Variants in STON1 observed in about 807,000 individuals in gnomAD.
The protein encoded by STON1 is stonin-1.
In STON1, 79 loss-of-function variants were observed where a neutral mutation model predicts 60.9. That is an observed-to-expected ratio of 1.30 (90% CI 1.08 to 1.56). The LOEUF is 1.56. STON1 is among the 40% of genes most tolerant of loss of function. The pLI is 0.00. For synonymous variants in STON1, 363 were observed against 306.9 expected, an observed-to-expected ratio of 1.18 and a Z score of -1.91; for missense variants, 1,166 against 858.9, an observed-to-expected ratio of 1.36 and a Z score of -4.47.
At chr2:48,593,950 C>T (rs944802019) in intron 3 of STON1, among the ~76,000 whole-genome samples, 1 of 152,176 alleles carries the variant, frequency 6.6e-6, no homozygotes, top group Non-Finnish European at 1.5e-5. Flanking sequence ...AGCTGCCTTT[C>T]CTGAGGTCAT....
chr2:48,581,096 G>A lies in STON1; in HGVS notation c.463G>A (p.Val155Ile). 2 of 1,601,710 alleles carry A rather than the reference G, an allele frequency of 1.2e-6. No homozygotes were observed. The highest frequency in any genetic ancestry group is 1.1e-5 in the South Asian group (1 of 88,194). Reference sequence around the variant, plus strand: ...TCCCAAAGTAGGTCTTCCAGATGAAGTTAATCCTCAACAGGCTGAAAGCCT... The same window carrying A: ...TCCCAAAGTAGGTCTTCCAGATGAAATTAATCCTCAACAGGCTGAAAGCCT... The part of the protein sequence containing the change: ...PTPKVGLPDE[V>I]NPQQAESLGF... The change falls in exon 2 of 4, where the codon GTT (valine) becomes ATT (isoleucine). Residue 155 changes from valine (V) to isoleucine (I), a missense_variant. Transcript: ENST00000404752.
intron 1 of STON1, chr2:48,530,606 C>T (rs1203734644): frequency 6.5e-6 from 1 of 153,432 alleles, no homozygotes; most frequent in Non-Finnish European, 1.4e-5. Flanking sequence ...CTGCGCCCCT[C>T]ACGCCTCCCT....
Position 48,581,957 on chromosome 2 carries a change from A to G in STON1, c.1324A>G (p.Ile442Val), listed in dbSNP as rs749198642. The change falls in exon 2 of 4, where the codon ATT becomes GTT. Residue 442 changes from isoleucine to valine, a missense_variant. Ile to Val is a conservative substitution (Grantham distance 29). Coordinates refer to ENST00000404752, the MANE Select transcript of STON1 (RefSeq NM_006873.4). The stretch of plus-strand genomic sequence containing the variant: ...TGTTGAAAGTGCTGTGATAACTCAA[A>G]TTTATTGCCTCTGCTTTGTGAATGG... ...KFVESAVITQIYCLCFVNGNL... is the reference protein window; with the variant it reads ...KFVESAVITQVYCLCFVNGNL... The G allele has an allele frequency of 9.3e-6, 15 of 1,614,072 alleles. No homozygotes were observed. The Admixed American group carries it at 2.5e-4, about 27-fold the overall frequency.
At chr2:48,533,219 TA>T (rs1390422064) in intron 1 of STON1, among the ~76,000 whole-genome samples, 2 of 151,878 alleles carry the variant, frequency 1.3e-5, no homozygotes, top group Non-Finnish European at 2.9e-5. Flanking sequence ...CCGTCTCTAC[TA>T]AAAACACAAA....
intron 1 of STON1, among the ~76,000 whole-genome samples, chr2:48,548,379 G>C (rs2103779020): frequency 6.6e-6 from 1 of 152,234 alleles, no homozygotes; most frequent in East Asian, 1.9e-4. Flanking sequence ...CAGTGACTCT[G>C]AGGCTCTGTA....
intron 2 of STON1, among the ~76,000 whole-genome samples, chr2:48,584,078 C>T (rs1235686406): frequency 6.6e-6 from 1 of 151,998 alleles, no homozygotes; most frequent in Non-Finnish European, 1.5e-5. Flanking sequence ...TGAGTACTTA[C>T]TGTATACCAA....
chr2:48,582,102 G>T lies in STON1; in HGVS notation c.1469G>T (p.Cys490Phe). Reference protein sequence around the residue: ...IDILDYHFHKCVNVQEFEQSR... With the variant: ...IDILDYHFHKFVNVQEFEQSR... ...ATTCTTGACTACCATTTTCATAAGTGTGTGAATGTACAAGAATTTGAGCAA... is the reference window on the plus strand; with the variant it reads ...ATTCTTGACTACCATTTTCATAAGTTTGTGAATGTACAAGAATTTGAGCAA... Residue 490 changes from cysteine to phenylalanine, a missense_variant, in exon 2 of 4, where the codon TGT becomes TTT. Physicochemically the swap from Cys to Phe is radical, Grantham distance 205. Transcript: ENST00000404752. The T allele has an allele frequency of 6.2e-7, 1 of 1,614,016 alleles. No homozygotes were observed. Among genetic ancestry groups the T allele is most frequent in the South Asian group, 1.1e-5 (1 of 91,076 alleles).
chr2:48,570,010 G>T (rs1673119624), intron 1 of STON1, among the ~76,000 whole-genome samples: 2 of 152,194 alleles, frequency 1.3e-5, no homozygotes, highest in Non-Finnish European at 2.9e-5. Flanking sequence ...ACGATTTAGA[G>T]TCAATTCATG....
At chr2:48,564,480 T>TTCTTCCTTCTTCTTCTTCTTCTTC (rs1558604783) in intron 1 of STON1, among the ~76,000 whole-genome samples, 1 of 32,480 alleles carries the variant, frequency 3.1e-5, no homozygotes, top group African/African-American at 1.2e-4. Flanking sequence ...CTTCTTCTTC[T>TTCTTCCTTCTTCTTCTTCTTCTTC]TTCTTCTTCT....
intron 1 of STON1, among the ~76,000 whole-genome samples, chr2:48,576,621 T>C (rs1052559166): frequency 6.6e-6 from 1 of 152,122 alleles, no homozygotes; most frequent in African/African-American, 2.4e-5. Flanking sequence ...TCTTTTCATA[T>C]ATTTTCTGGC....
intron 1 of STON1, among the ~76,000 whole-genome samples, chr2:48,564,876 G>T (rs561661623): frequency 6.7e-6 from 1 of 148,476 alleles, no homozygotes; most frequent in South Asian, 2.1e-4. Context: ...GGAATTACAG[G>T]CGTGCACCAC....
intron 1 of STON1, among the ~76,000 whole-genome samples, chr2:48,572,705 T>G (rs1024015042): frequency 6.6e-6 from 1 of 152,210 alleles, no homozygotes; most frequent in Non-Finnish European, 1.5e-5. Flanking sequence ...CTCTTTTTCT[T>G]TTCTTTTTAA....
chr2:48,549,156 C>G (rs1671987612), intron 1 of STON1, among the ~76,000 whole-genome samples: 2 of 152,180 alleles, frequency 1.3e-5, no homozygotes, highest in Non-Finnish European at 1.5e-5. Context: ...ATCCGGGAAA[C>G]AATCCCAGGC....
chr2:48,558,056 C>T (rs952835477), intron 1 of STON1, among the ~76,000 whole-genome samples: 1 of 152,146 alleles, frequency 6.6e-6, no homozygotes, highest in African/African-American at 2.4e-5. Context: ...AACCCCATCT[C>T]TACCAAAAAT....
chr2:48,565,045 C>CT (rs35791710), intron 1 of STON1, among the ~76,000 whole-genome samples: 14,540 of 86,364 alleles, frequency 0.17, 1,336 homozygotes, highest in Non-Finnish European at 0.2. Context: ...CCGGCTTCTT[C>CT]TTTTTTTTTT....
At chr2:48,568,757 G>C (rs947287365) in intron 1 of STON1, among the ~76,000 whole-genome samples, 1 of 152,198 alleles carries the variant, frequency 6.6e-6, no homozygotes, top group African/African-American at 2.4e-5. Flanking sequence ...TTGTTCTTGA[G>C]CAACCTTGGG....
At chr2:48,563,245 T>A (rs1672681055) in intron 1 of STON1, among the ~76,000 whole-genome samples, 2 of 152,148 alleles carry the variant, frequency 1.3e-5, no homozygotes, top group Admixed American at 1.3e-4. Flanking sequence ...GTGTTGACAG[T>A]CAGAGGGGCT....
At position 48,595,773 on chromosome 2, in the gene STON1, GT is replaced by G. The variant is rs1164365726; in HGVS notation, c.*472del. 6.3e-6 allele frequency: 1 copy of G among 159,988 alleles called. No individual in the cohort carries two copies. Among genetic ancestry groups the G allele is most frequent in the Non-Finnish European group, 1.4e-5 (1 of 73,890 alleles). The allele number at this position is 159,988 out of a possible 1,614,324, so 9.9% of individuals were successfully genotyped here. On this transcript the variant is annotated 3_prime_UTR_variant, in exon 4 of 4. Transcript: ENST00000404752. ...TTTCTTGCCTCTGAAATGTGGCTAG[GT>G]GTAGAATGATGTTGAAACCACAGGC...
intron 1 of STON1, among the ~76,000 whole-genome samples, chr2:48,568,585 A>G: frequency 6.6e-6 from 1 of 152,106 alleles, no homozygotes. Flanking sequence ...CCACTAAAAG[A>G]GAGGCAGGGC....
Sources: allele counts gnomAD v4.1 joint callset (sites outside exome capture counted in the v4.1 genomes callset), GRCh38; gene constraint gnomAD v4.1.1; transcripts MANE v1.5; gene names NCBI Gene and HGNC (gene_info 2026-07-23, HGNC 2026-07-21).